RALYL: variants seen among roughly 807,000 people sequenced by gnomAD.
The protein encoded by RALYL is RNA-binding Raly-like protein.
A neutral mutation model predicts 35.1 loss-of-function variants in RALYL; 29 were observed. That is an observed-to-expected ratio of 0.83 (90% confidence interval 0.61 to 1.13). The LOEUF (loss-of-function observed/expected upper bound fraction) is 1.13. RALYL is among the 50% of genes most tolerant of loss of function. The pLI is 0.00. For missense variants in RALYL, 359 were observed against 360.4 expected, an observed-to-expected ratio of 1.00 and a Z score of 0.03; for synonymous variants, 120 against 127.6, an observed-to-expected ratio of 0.94 and a Z score of 0.40.
chr8:84,406,133 T>C (rs1475568557), intron 1 of RALYL, among the ~76,000 whole-genome samples: 1 of 151,948 alleles, frequency 6.6e-6, no homozygotes. Context: ...GAGCATAGTA[T>C]TTTATTTAAG....
At chr8:84,508,476 A>G (rs991722401) in intron 1 of RALYL, among the ~76,000 whole-genome samples, 2 of 152,166 alleles carry the variant, frequency 1.3e-5, no homozygotes, top group South Asian at 4.1e-4. Flanking sequence ...TCACGAGGTT[A>G]TTATTAGAAT....
At chr8:84,289,033 T>C (rs1838237255) in intron 1 of RALYL, among the ~76,000 whole-genome samples, 1 of 152,106 alleles carries the variant, frequency 6.6e-6, no homozygotes, top group Non-Finnish European at 1.5e-5. Context: ...TGGGGTGAGC[T>C]GGAGACCAGA....
chr8:84,915,118 TTTTA>T (rs770846968), intron 8 of RALYL, among the ~76,000 whole-genome samples: 83 of 152,136 alleles, frequency 5.5e-4, no homozygotes, highest in Middle Eastern at 3.4e-3. Context: ...TATAAACTGT[TTTTA>T]TAAACTTCCA....
At chr8:84,875,768 TA>T (rs1841021624) in intron 7 of RALYL, among the ~76,000 whole-genome samples, 1 of 152,174 alleles carries the variant, frequency 6.6e-6, no homozygotes, top group Non-Finnish European at 1.5e-5. Flanking sequence ...AAACTCATTT[TA>T]AAATGCTCAG....
At chr8:84,885,000 G>C (rs534659760) in intron 7 of RALYL, among the ~76,000 whole-genome samples, 1 of 152,078 alleles carries the variant, frequency 6.6e-6, no homozygotes, top group Non-Finnish European at 1.5e-5. Context: ...CAAAGGATCA[G>C]TGATAGGAGA....
At chr8:84,341,612 C>T (rs1848807398) in intron 1 of RALYL, among the ~76,000 whole-genome samples, 1 of 151,912 alleles carries the variant, frequency 6.6e-6, no homozygotes, top group South Asian at 2.1e-4. Flanking sequence ...AAAAGTTAAC[C>T]ATATATAAAT....
chr8:84,862,531 T>A, intron 6 of RALYL, 78 bp downstream of exon 6: 1 of 1,140,544 alleles, frequency 8.8e-7, no homozygotes. Flanking sequence ...CTATATTCAA[T>A]AAATTAACCA....
At chr8:84,343,300 T>A (rs2130924630) in intron 1 of RALYL, among the ~76,000 whole-genome samples, 1 of 152,248 alleles carries the variant, frequency 6.6e-6, no homozygotes, top group Non-Finnish European at 1.5e-5. Context: ...GAAATGCAGA[T>A]AAGCATTGCT....
intron 1 of RALYL, among the ~76,000 whole-genome samples, chr8:84,412,732 A>T (rs1006185716): frequency 1.3e-5 from 2 of 152,044 alleles, no homozygotes; most frequent in African/African-American, 4.8e-5. Context: ...GGCTCCTTAG[A>T]GAGGAAATAG....
At chr8:84,468,005 C>T (rs1296261443) in intron 1 of RALYL, among the ~76,000 whole-genome samples, 5 of 145,044 alleles carry the variant, frequency 3.4e-5, no homozygotes, top group African/African-American at 1.3e-4. Flanking sequence ...GGTAGATCTT[C>T]CTCCATCCTT....
At chr8:84,288,261 G>T (rs1011449002) in intron 1 of RALYL, among the ~76,000 whole-genome samples, 2 of 152,094 alleles carry the variant, frequency 1.3e-5, no homozygotes, top group Non-Finnish European at 2.9e-5. Context: ...ACATCCGCAG[G>T]AATCAGCATT....
chr8:84,336,573 A>G (rs146251417), intron 1 of RALYL, among the ~76,000 whole-genome samples: 4 of 152,138 alleles, frequency 2.6e-5, no homozygotes, highest in Non-Finnish European at 4.4e-5. Flanking sequence ...ATGTAAAAGG[A>G]TAAGTATTCT....
At chr8:84,669,705 G>T (rs1056223189) in intron 2 of RALYL, among the ~76,000 whole-genome samples, 8 of 151,862 alleles carry the variant, frequency 5.3e-5, no homozygotes, top group Admixed American at 3.3e-4. Flanking sequence ...ATATAAGATG[G>T]CCATTCACTT....
In RALYL at chr8:84,815,179, G is replaced by T. The variant is rs1413762235; in HGVS notation, c.365+10377G>T. ...ACTATCTTGGAGTTCACTCCACAGAGACCAGGATAGATGCAAAGAGCCCAG... is the reference window on the plus strand; with the variant it reads ...ACTATCTTGGAGTTCACTCCACAGATACCAGGATAGATGCAAAGAGCCCAG... On this transcript the variant is annotated intron_variant, in intron 4 of 8. Coordinates refer to ENST00000521268, the MANE Select transcript of RALYL (RefSeq NM_173848.7). 4.6e-5 allele frequency among the ~76,000 whole-genome samples: 7 copies of T among 152,254 alleles called. No individual in the cohort carries two copies. The East Asian group carries it at 5.8e-4, about 13-fold the overall frequency.
intron 3 of RALYL, among the ~76,000 whole-genome samples, chr8:84,803,022 A>G (rs1395645347): frequency 1.3e-5 from 2 of 152,198 alleles, no homozygotes; most frequent in Non-Finnish European, 2.9e-5. Flanking sequence ...TCATTATATT[A>G]TTCAGTGCCA....
At chr8:84,796,967 G>A (rs1822076739) in intron 3 of RALYL, among the ~76,000 whole-genome samples, 1 of 152,148 alleles carries the variant, frequency 6.6e-6, no homozygotes, top group South Asian at 2.1e-4. Flanking sequence ...TTAGACCTGT[G>A]ACTGAATTCA....
intron 1 of RALYL, among the ~76,000 whole-genome samples, chr8:84,482,856 C>T (rs2054191062): frequency 6.6e-6 from 1 of 152,012 alleles, no homozygotes; most frequent in South Asian, 2.1e-4. Context: ...AAAATAATGA[C>T]ACTCTTGTAG....
chr8:84,733,859 T>C (rs909159329), intron 2 of RALYL, among the ~76,000 whole-genome samples: 8 of 152,214 alleles, frequency 5.3e-5, no homozygotes, highest in African/African-American at 1.7e-4. Context: ...AGTCCAGAGA[T>C]GCTACTGATT....
chr8:84,587,575 T>C (rs1812287684), intron 2 of RALYL, among the ~76,000 whole-genome samples: 1 of 152,196 alleles, frequency 6.6e-6, no homozygotes, highest in Non-Finnish European at 1.5e-5. Flanking sequence ...TACAGCAGCA[T>C]TTCTAAACTA....
Sources: allele counts gnomAD v4.1 joint callset (sites outside exome capture counted in the v4.1 genomes callset), GRCh38; gene constraint gnomAD v4.1.1; transcripts MANE v1.5; gene names NCBI Gene and HGNC (gene_info 2026-07-23, HGNC 2026-07-21).